PDAP1: variants seen among roughly 807,000 people sequenced by gnomAD.
PDAP1 encodes the protein PDGFA associated protein 1, also known as 28 kDa heat- and acid-stable phosphoprotein.
PDAP1 carries 13 observed loss-of-function variants against 28.0 expected under a neutral mutation model. The observed-to-expected ratio is 0.46, with a 90% CI of 0.30 to 0.74. The LOEUF (loss-of-function observed/expected upper bound fraction) is 0.74. Ranked by LOEUF, PDAP1 falls within the 30% of genes least tolerant of loss-of-function variation. The pLI is 0.07. For synonymous variants in PDAP1, 77 were observed against 85.1 expected (o/e 0.91, Z 0.52); for missense variants, 150 against 230.0 (o/e 0.65, Z 2.25).
At position 99,394,862 on chromosome 7, in the gene PDAP1, T is replaced by C. The variant is rs1349139778; in HGVS notation, c.*1820A>G. The stretch of plus-strand genomic sequence containing the variant: ...GGTTTTTTGTTATTTCCTTGGGGTC[T>C]TGCTAAGTTTTCCAGGCTGCACTAG... On this transcript the variant is annotated 3_prime_UTR_variant, in exon 6 of 6. Coordinates refer to ENST00000350498, the MANE Select transcript of PDAP1 (RefSeq NM_014891.7). 8.3e-7 allele frequency: 1 copy of C among 1,211,014 alleles called. No individual in the cohort carries two copies. The highest frequency in any genetic ancestry group is 1.0e-6 in the Non-Finnish European group (1 of 969,774). 75.0% of individuals were successfully genotyped at this position (1,211,014 alleles called of 1,614,324 possible).
chr7:99,396,657 CGGCATCTCCTCCCACGGGTCGCA>C lies in PDAP1; in HGVS notation c.*2_*24del. The C allele has an allele frequency of 6.2e-7, 1 of 1,602,866 alleles. No individual in the cohort carries two copies. Among genetic ancestry groups the C allele is most frequent in the Non-Finnish European group, 8.5e-7 (1 of 1,171,610 alleles). On this transcript the variant is annotated 3_prime_UTR_variant, in exon 6 of 6. Transcript: ENST00000350498. Reference sequence around the variant, plus strand: ...GTCCTGGCAGCGCGGCCCAGGTCCCCGGCATCTCCTCCCACGGGTCGCAGTTACTTATTCAGGGAGAGTGACTG... The same window carrying C: ...GTCCTGGCAGCGCGGCCCAGGTCCCCGTTACTTATTCAGGGAGAGTGACTG...
In PDAP1 at chr7:99,397,965, G is replaced by A. The variant is rs375358851; in HGVS notation, c.384C>T (p.His128=). The change falls in exon 5 of 6, where the codon CAC becomes CAT. Residue 128 remains histidine, a synonymous_variant. Transcript: ENST00000350498. ...TGGCTTGCTCTGTCTTCCCGGCCAA[G>A]TGCATTTTCATGTAACGCTCTTTTG... ...QKAKERYMKM[H]LAGKTEQAKA... The A allele has an allele frequency of 1.2e-5, 19 of 1,614,254 alleles. No individual in the cohort carries two copies. The highest frequency in any genetic ancestry group is 1.5e-5 in the Non-Finnish European group (18 of 1,180,046).
chr7:99,405,455 G>C (rs577414127), intron 1 of PDAP1, among the ~76,000 whole-genome samples: 1 of 151,724 alleles, frequency 6.6e-6, no homozygotes, highest in Non-Finnish European at 1.5e-5. Context: ...CACCACCCTG[G>C]TTGAAGTGAT....
chr7:99,396,516 C>T lies in PDAP1; in HGVS notation c.*166G>A. ...CCCCTCCCCCAGTCCCCCCCCCCATCCCCCAAACAATTTCTGTGCCAAGAT... is the reference window on the plus strand; with the variant it reads ...CCCCTCCCCCAGTCCCCCCCCCCATTCCCCAAACAATTTCTGTGCCAAGAT... On this transcript the variant is annotated 3_prime_UTR_variant, in exon 6 of 6. Coordinates refer to ENST00000350498, the MANE Select transcript of PDAP1 (RefSeq NM_014891.7). The T allele has an allele frequency of 4.6e-6, 2 of 437,700 alleles. No individual in the cohort carries two copies. The highest frequency in any genetic ancestry group is 7.7e-4 in the Middle Eastern group (1 of 1,292). The allele number at this position is 437,700 out of a possible 1,614,324, so 27.1% of individuals were successfully genotyped here.
intron 3 of PDAP1, among the ~76,000 whole-genome samples, chr7:99,401,978 C>G (rs1191742913): frequency 5.9e-5 from 9 of 152,138 alleles, no homozygotes; most frequent in Admixed American, 4.6e-4. Flanking sequence ...CTTTTAAAAG[C>G]ATATCTGGAG....
chr7:99,400,230 G>A, intron 4 of PDAP1, 73 bp downstream of exon 4: 2 of 1,544,412 alleles, frequency 1.3e-6, no homozygotes, highest in Non-Finnish European at 1.8e-6. Context: ...CAGCCAGCTG[G>A]GGACCTTAGC....
At chr7:99,397,778 G>A (rs892078955) in intron 5 of PDAP1, 84 bp downstream of exon 5, 72 of 1,527,346 alleles carry the variant, frequency 4.7e-5, no homozygotes, top group South Asian at 2.4e-4. Context: ...GTCACCTCGC[G>A]GACAGGGACA....
intron 3 of PDAP1, among the ~76,000 whole-genome samples, chr7:99,402,573 CAAAAAAAAAA>C (rs58448407): frequency 3.5e-5 from 2 of 56,680 alleles, no homozygotes; most frequent in African/African-American, 6.0e-5. Flanking sequence ...GACCCTGTCT[CAAAAAAAAAA>C]AAAAAAAAAA....
intron 1 of PDAP1, among the ~76,000 whole-genome samples, chr7:99,406,973 T>C (rs529928491): frequency 8.5e-5 from 13 of 152,270 alleles, no homozygotes; most frequent in Admixed American, 5.2e-4. Flanking sequence ...GCTCTCTTAA[T>C]ACACCAGGCA....
chr7:99,397,200 T>A (rs1417617518), intron 5 of PDAP1, among the ~76,000 whole-genome samples: 1 of 152,114 alleles, frequency 6.6e-6, no homozygotes, highest in Non-Finnish European at 1.5e-5. Context: ...CCTGAGCAAT[T>A]GGTTTCCCCT....
chr7:99,396,415 T>C lies in PDAP1; in HGVS notation c.*267A>G. ...ACCCCCCAGCAAGGGCTCTGAATTC[T>C]AAAAACAGCAAAAACATTCAAATGG... On this transcript the variant is annotated 3_prime_UTR_variant, in exon 6 of 6. Transcript: ENST00000350498. The C allele has an allele frequency of 3.7e-6, 2 of 534,806 alleles. No homozygotes were observed. Among genetic ancestry groups the C allele is most frequent in the Non-Finnish European group, 6.8e-6 (2 of 295,888 alleles). 33.1% of individuals were successfully genotyped at this position (534,806 alleles called of 1,614,324 possible). A position where few individuals can be genotyped will look rare whatever the true frequency, so the allele number is the denominator to read the frequency against.
chr7:99,406,504 G>A, intron 1 of PDAP1: 1 of 895,670 alleles, frequency 1.1e-6, no homozygotes, highest in African/African-American at 1.8e-5. Flanking sequence ...AAACAAACCT[G>A]ACTACACAGT....
intron 1 of PDAP1, among the ~76,000 whole-genome samples, chr7:99,406,135 G>C (rs1794966044): frequency 6.6e-6 from 1 of 152,164 alleles, no homozygotes; most frequent in South Asian, 2.1e-4. Flanking sequence ...TGTAATCCCA[G>C]CTACTTGGGA....
chr7:99,400,471 G>A, intron 3 of PDAP1, 47 bp from the exon 4 acceptor site: 1 of 1,609,694 alleles, frequency 6.2e-7, no homozygotes, highest in South Asian at 1.1e-5. Context: ...GTCCTGTGGA[G>A]CCCCTGAGGG....
At chr7:99,399,334 G>A (rs1476088826) in intron 4 of PDAP1, among the ~76,000 whole-genome samples, 1 of 152,190 alleles carries the variant, frequency 6.6e-6, no homozygotes, top group African/African-American at 2.4e-5. Context: ...CAGGAATGAT[G>A]ACTAAGGCAG....
intron 5 of PDAP1, 140 bp downstream of exon 5, chr7:99,397,722 C>T: frequency 1.0e-6 from 1 of 968,550 alleles, no homozygotes; most frequent in Non-Finnish European, 1.5e-6. Context: ...GGAGGGTGGC[C>T]CTCTCCTGAA....
rs1794759370 is a variant in PDAP1, at chr7:99,396,338, T to A, written c.*344A>T. The A allele has an allele frequency of 2.7e-6, 1 of 367,212 alleles. No homozygotes were observed. The highest frequency in any genetic ancestry group is 2.2e-5 in the South Asian group (1 of 44,814). 22.7% of individuals were successfully genotyped at this position (367,212 alleles called of 1,614,324 possible). Reference sequence around the variant, plus strand: ...CTCCTGGGACAACCACCCCCTTACATGCTATCTATCTACCAGACAAATGAA... The same window carrying A: ...CTCCTGGGACAACCACCCCCTTACAAGCTATCTATCTACCAGACAAATGAA... On this transcript the variant is annotated 3_prime_UTR_variant, in exon 6 of 6. Coordinates refer to ENST00000350498, the MANE Select transcript of PDAP1 (RefSeq NM_014891.7).
At chr7:99,399,039 GC>G (rs1794813575) in intron 4 of PDAP1, among the ~76,000 whole-genome samples, 1 of 152,172 alleles carries the variant, frequency 6.6e-6, no homozygotes, top group South Asian at 2.1e-4. Context: ...AGATCGGAGG[GC>G]CTATTTGCAC....
intron 3 of PDAP1, among the ~76,000 whole-genome samples, chr7:99,402,084 A>G (rs113819294): frequency 0.069 from 10,405 of 151,794 alleles, 1,099 homozygotes; most frequent in African/African-American, 0.22. Flanking sequence ...CCTGGCTGAC[A>G]TGGTGAAACG....
Sources: gnomAD v4.1 joint callset for allele counts (sites outside exome capture counted in the v4.1 genomes callset) on GRCh38, gnomAD v4.1.1 for gene constraint, MANE v1.5 for transcripts, NCBI Gene and HGNC (gene_info 2026-07-23, HGNC 2026-07-21) for gene names.